RALGAPB: variants seen among roughly 807,000 people sequenced by gnomAD.
The protein encoded by RALGAPB is ral GTPase-activating protein subunit beta.
A neutral mutation model predicts 161.1 loss-of-function variants in RALGAPB; 25 were observed. That is an observed-to-expected ratio of 0.16 (90% CI 0.11 to 0.22). The LOEUF (loss-of-function observed/expected upper bound fraction) is 0.22. Among genes scored for constraint, RALGAPB ranks in the 10% least tolerant of loss-of-function variants. RALGAPB has a pLI of 1.00. For synonymous variants in RALGAPB, 629 were observed against 626.1 expected (o/e 1.00, Z -0.07); for missense variants, 1,391 against 1,815.2 (o/e 0.77, Z 4.25).
At chr20:38,496,300 C>G (rs1467996891) in intron 3 of RALGAPB, among the ~76,000 whole-genome samples, 2 of 152,152 alleles carry the variant, frequency 1.3e-5, no homozygotes, top group East Asian at 3.9e-4. Flanking sequence ...CTGAGAATCT[C>G]TCTTCTAAGG....
chr20:38,508,951 C>A, intron 5 of RALGAPB, 126 bp from the exon 6 acceptor site: 1 of 1,056,796 alleles, frequency 9.5e-7, no homozygotes, highest in South Asian at 1.8e-5. Context: ...ATGAGGGTTT[C>A]CATATGTCTT....
chr20:38,521,725 A>G (rs1179027963), intron 10 of RALGAPB, 27 bp downstream of exon 10: 2 of 1,609,820 alleles, frequency 1.2e-6, no homozygotes, highest in Non-Finnish European at 1.7e-6. Flanking sequence ...TTGTTTTTTC[A>G]TTTATATAGT....
At position 38,525,952 on chromosome 20, in the gene RALGAPB, A is replaced by G. The variant is rs748239066; in HGVS notation, c.1960A>G (p.Thr654Ala). The change falls in exon 13 of 30, where the codon ACT becomes GCT. Residue 654 changes from threonine to alanine, a missense_variant. Physicochemically the swap from Thr to Ala is moderately conservative, Grantham distance 58. Coordinates refer to ENST00000262879, the MANE Select transcript of RALGAPB (RefSeq NM_020336.4). ...CAGCTCTTCTTATGATAAACCAATA[A>G]CTTTTCTGTCCCTGAAGTTGAGACT... The part of the protein sequence containing the change: ...DDSSSYDKPI[T>A]FLSLKLRLVN... 6.2e-7 allele frequency: 1 copy of G among 1,613,862 alleles called. No homozygotes were observed.
intron 29 of RALGAPB, 109 bp downstream of exon 29, chr20:38,574,407 A>C: frequency 1.6e-6 from 2 of 1,227,250 alleles, no homozygotes; most frequent in Non-Finnish European, 2.2e-6. Context: ...TAGCTTCCAC[A>C]TGTAGGAAAT....
At chr20:38,499,684 G>A in intron 5 of RALGAPB, 51 bp downstream of exon 5, 5 of 1,517,744 alleles carry the variant, frequency 3.3e-6, no homozygotes, top group Non-Finnish European at 4.4e-6. Context: ...ACCTTAGGCA[G>A]CTTTCTGGCA....
chr20:38,510,682 G>T (rs964948246), intron 6 of RALGAPB, among the ~76,000 whole-genome samples: 1 of 120,066 alleles, frequency 8.3e-6, no homozygotes, highest in African/African-American at 6.6e-5. Flanking sequence ...AGGCCGAGGC[G>T]GGCGGATCAC....
At chr20:38,480,884 T>C (rs805545) in intron 1 of RALGAPB, among the ~76,000 whole-genome samples, 129,764 of 151,408 alleles carry the variant, frequency 0.86, 55,648 homozygotes, top group East Asian at 0.91. Context: ...ACTACAGGCG[T>C]GTGCCACCAC....
chr20:38,546,528 C>CT lies in RALGAPB; in HGVS notation c.2902+99dup, dbSNP rs2087170091. On this transcript the variant is annotated intron_variant, in intron 19 of 29. Coordinates refer to ENST00000262879, the MANE Select transcript of RALGAPB (RefSeq NM_020336.4). The stretch of plus-strand genomic sequence containing the variant: ...ATCAGGGAAGGACAGCCTACAGATT[C>CT]TAAGTAGGTCAGAAAGATTTCTAGC... The CT allele has an allele frequency of 4.0e-6, 6 of 1,498,442 alleles. No homozygotes were observed. In the Admixed American group the frequency reaches 1.1e-4, roughly 28 times the overall value. The allele number at this position is 1,498,442 out of a possible 1,614,324, so 92.8% of individuals were successfully genotyped here. A position where few individuals can be genotyped will look rare whatever the true frequency, so the allele number is the denominator to read the frequency against.
chr20:38,544,759 G>T (rs1476523853), intron 18 of RALGAPB, among the ~76,000 whole-genome samples: 1 of 152,070 alleles, frequency 6.6e-6, no homozygotes. Context: ...TGAGCCTTCT[G>T]CACCCAGCTG....
intron 3 of RALGAPB, 128 bp from the exon 4 acceptor site, chr20:38,497,225 G>T: frequency 1.2e-6 from 1 of 803,868 alleles, no homozygotes; most frequent in Non-Finnish European, 2.0e-6. Context: ...GGTATGCCTA[G>T]CCCTCTCTGC....
At chr20:38,550,473 C>T (rs1219907234) in intron 20 of RALGAPB, among the ~76,000 whole-genome samples, 1 of 151,674 alleles carries the variant, frequency 6.6e-6, no homozygotes, top group African/African-American at 2.4e-5. Context: ...GTACAGAGCA[C>T]ATCCTGTCAT....
At chr20:38,574,636 A>C (rs199824102) in intron 29 of RALGAPB, 138 bp from the exon 30 acceptor site, 24 of 832,002 alleles carry the variant, frequency 2.9e-5, no homozygotes, top group Admixed American at 1.7e-4. Context: ...CACTATGTCT[A>C]TCTCTCTGGG....
chr20:38,562,546 G>A lies in RALGAPB; in HGVS notation c.3546G>A (p.Val1182=). The A allele has an allele frequency of 6.2e-7, 1 of 1,603,838 alleles. No homozygotes were observed. Among genetic ancestry groups the A allele is most frequent in the Non-Finnish European group, 8.5e-7 (1 of 1,175,200 alleles). Reference sequence around the variant, plus strand: ...ATGTATTTCAGATTTTAAAGAATGTGGAGTCTTCCAGAACTGTTCAGCCAC... The same window carrying A: ...ATGTATTTCAGATTTTAAAGAATGTAGAGTCTTCCAGAACTGTTCAGCCAC... The part of the protein sequence containing the change: ...QKTNQEILKN[V]ESSRTVQPHF... Residue 1182 remains valine, a synonymous_variant, in exon 24 of 30, where the codon GTG becomes GTA. Transcript: ENST00000262879.
chr20:38,567,358 A>T, intron 26 of RALGAPB, 126 bp downstream of exon 26: 2 of 1,253,830 alleles, frequency 1.6e-6, no homozygotes, highest in Non-Finnish European at 2.1e-6. Context: ...TAGTAACTTA[A>T]TTTTTTAAAA....
rs1472985444 is a variant in RALGAPB, at chr20:38,492,968, C to T, written c.225C>T (p.Thr75=). The T allele has an allele frequency of 6.2e-7, 1 of 1,612,378 alleles. No individual in the cohort carries two copies. Among genetic ancestry groups the T allele is most frequent in the Admixed American group, 1.7e-5 (1 of 60,006 alleles). ...WTMEVICYGL[T]LPLDGETVKY... ...TGGAAGTAATTTGCTATGGACTGAC[C>T]CTTCCATTGGATGGAGAGACTGTAA... Residue 75 remains threonine (T), a synonymous_variant, in exon 3 of 30, where the codon ACC becomes ACT. Coordinates refer to ENST00000262879, the MANE Select transcript of RALGAPB (RefSeq NM_020336.4).
intron 29 of RALGAPB, 21 bp downstream of exon 29, chr20:38,574,319 C>A: frequency 6.4e-7 from 1 of 1,556,502 alleles, no homozygotes; most frequent in Non-Finnish European, 8.6e-7. Context: ...CATATGTGGC[C>A]GAAGAGTTAA....
chr20:38,485,350 G>T (rs561466698), intron 1 of RALGAPB, among the ~76,000 whole-genome samples: 16 of 152,220 alleles, frequency 1.1e-4, no homozygotes, highest in African/African-American at 3.6e-4. Flanking sequence ...TAGGTGACAG[G>T]TTTTTCTATT....
rs1433667393 is a variant in RALGAPB at position 38,553,914 on chromosome 20, T to A, written c.3210T>A (p.Ile1070=). The stretch of plus-strand genomic sequence containing the variant: ...TAAGGAGTGGCATGGCCCAGCAGAT[T>A]GCTTATGAAATACACCTTGAGCAAC... ...EKLRSGMAQQ[I]AYEIHLEQQS... is the part of the protein sequence containing the mutation. The change falls in exon 22 of 30, where the codon ATT becomes ATA. Residue 1070 remains isoleucine, a synonymous_variant. Coordinates refer to ENST00000262879, the MANE Select transcript of RALGAPB (RefSeq NM_020336.4). 3.7e-6 allele frequency: 6 copies of A among 1,613,480 alleles called. No homozygotes were observed. Among genetic ancestry groups the A allele is most frequent in the Non-Finnish European group, 4.2e-6 (5 of 1,179,764 alleles).
In RALGAPB at chr20:38,569,924, GGTC is replaced by G; in HGVS notation, c.3993_3995del (p.Arg1332del). 1 of 1,613,468 alleles carries G rather than the reference GGTC, an allele frequency of 6.2e-7. No individual in the cohort carries two copies. Among genetic ancestry groups the G allele is most frequent in the Non-Finnish European group, 8.5e-7 (1 of 1,179,676 alleles). On this transcript the variant is annotated inframe_deletion, in exon 27 of 30. Transcript: ENST00000262879. ...TTCCAGAATGAGGAAGCTGCCTCAGGGTCGCCCTGTTCCTCCCCTTGGACCTGA... is the reference window on the plus strand; with the variant it reads ...TTCCAGAATGAGGAAGCTGCCTCAGGGCCCTGTTCCTCCCCTTGGACCTGA...
Sources: allele counts gnomAD v4.1 joint callset (sites outside exome capture counted in the v4.1 genomes callset), GRCh38; gene constraint gnomAD v4.1.1; transcripts MANE v1.5; gene names NCBI Gene and HGNC (gene_info 2026-07-23, HGNC 2026-07-21).